The following NELL1 variants were observed in gnomAD, a reference collection of about 807,000 sequenced individuals.
NELL1 encodes the protein protein kinase C-binding protein NELL1.
In NELL1, 76 loss-of-function variants were observed where a neutral mutation model predicts 107.4. The observed-to-expected ratio is 0.71, with a 90% CI of 0.59 to 0.86. The LOEUF (loss-of-function observed/expected upper bound fraction) is 0.86. Ranked by LOEUF, NELL1 falls within the 40% of genes least tolerant of loss-of-function variation. The pLI is 0.00. For synonymous variants in NELL1, 353 were observed against 341.2 expected (o/e 1.03, Z -0.38); for missense variants, 1,024 against 1,005.5 (o/e 1.02, Z -0.25).
At chr11:21,042,388 C>T (rs1353970910) in intron 12 of NELL1, among the ~76,000 whole-genome samples, 1 of 152,150 alleles carries the variant, frequency 6.6e-6, no homozygotes, top group Non-Finnish European at 1.5e-5. Context: ...CTACTATGCT[C>T]ATGAGCAGCA....
intron 15 of NELL1, among the ~76,000 whole-genome samples, chr11:21,502,269 G>C (rs1855162753): frequency 6.6e-6 from 1 of 152,202 alleles, no homozygotes; most frequent in Admixed American, 6.5e-5. Flanking sequence ...TTGAGTGCCT[G>C]ACACTGGTTT....
chr11:21,405,782 C>T (rs1302493950), intron 15 of NELL1, among the ~76,000 whole-genome samples: 1 of 151,940 alleles, frequency 6.6e-6, no homozygotes, highest in East Asian at 2.0e-4. Context: ...TACATTAATT[C>T]CTTCTACTAA....
At chr11:21,106,979 G>A (rs1205065268) in intron 12 of NELL1, among the ~76,000 whole-genome samples, 1 of 152,030 alleles carries the variant, frequency 6.6e-6, no homozygotes, top group African/African-American at 2.4e-5. Context: ...TGTGTGCCTC[G>A]ATGTTTTTAT....
chr11:20,806,420 C>T (rs563035826), intron 3 of NELL1, among the ~76,000 whole-genome samples: 2 of 152,138 alleles, frequency 1.3e-5, no homozygotes, highest in South Asian at 4.2e-4. Context: ...TATTGGAGCT[C>T]CATTGTATGT....
chr11:20,673,483 A>G (rs1222778024), intron 1 of NELL1, among the ~76,000 whole-genome samples: 3 of 152,174 alleles, frequency 2.0e-5, no homozygotes, highest in Non-Finnish European at 4.4e-5. Flanking sequence ...AGTCAGCCAG[A>G]CCCAGGAGGA....
chr11:20,907,317 A>C (rs959548614), intron 5 of NELL1, among the ~76,000 whole-genome samples: 2 of 151,846 alleles, frequency 1.3e-5, no homozygotes, highest in Non-Finnish European at 2.9e-5. Context: ...AAGTATTTTT[A>C]AATTATGTAT....
intron 4 of NELL1, among the ~76,000 whole-genome samples, chr11:20,882,753 T>A (rs920494502): frequency 2.0e-4 from 31 of 152,304 alleles, no homozygotes; most frequent in African/African-American, 7.5e-4. Flanking sequence ...TTTTCCCAAT[T>A]TTCCCAATAA....
chr11:21,560,541 T>C (rs973455291), intron 17 of NELL1, among the ~76,000 whole-genome samples, 159 bp downstream of exon 17: 1 of 152,008 alleles, frequency 6.6e-6, no homozygotes, highest in African/African-American at 2.4e-5. Flanking sequence ...TGCTAAGGGG[T>C]AGGGAAGCCT....
intron 13 of NELL1, among the ~76,000 whole-genome samples, chr11:21,134,369 C>G (rs1855694451): frequency 6.6e-6 from 1 of 152,202 alleles, no homozygotes; most frequent in African/African-American, 2.4e-5. Context: ...AGTGGAAGGA[C>G]AGGAAGGAGT....
chr11:21,186,010 G>A (rs968918357), intron 13 of NELL1, among the ~76,000 whole-genome samples: 71 of 151,758 alleles, frequency 4.7e-4, no homozygotes, highest in Non-Finnish European at 1.5e-4. Context: ...CCAGGATGCA[G>A]AAAGGAAGGA....
intron 12 of NELL1, among the ~76,000 whole-genome samples, chr11:20,971,357 A>G (rs1029646413): frequency 1.3e-5 from 2 of 152,180 alleles, no homozygotes; most frequent in East Asian, 1.9e-4. Context: ...AGAGAAGAAG[A>G]AAAAAACAGA....
At position 21,344,433 on chromosome 11, in the gene NELL1, G is replaced by A. The variant is rs114715937; in HGVS notation, c.1550-26420G>A. On this transcript the variant is annotated intron_variant, in intron 14 of 19. Transcript: ENST00000357134. The stretch of plus-strand genomic sequence containing the variant: ...TATAGTATTATTTAATGTGTATTTG[G>A]TTGTGTAAACCCAGACAGCAAACTC... 1.2e-3 allele frequency among the ~76,000 whole-genome samples: 189 copies of A among 152,152 alleles called. 1 individual carries two copies. The highest frequency in any genetic ancestry group is 6.8e-3 in the Middle Eastern group (2 of 294).
chr11:21,490,473 A>G (rs1295529847), intron 15 of NELL1, among the ~76,000 whole-genome samples: 3 of 151,318 alleles, frequency 2.0e-5, no homozygotes, highest in Non-Finnish European at 4.4e-5. Flanking sequence ...AAAAAAAAAA[A>G]AAAAGCCAGA....
chr11:20,732,494 G>A (rs1333875565), intron 2 of NELL1, among the ~76,000 whole-genome samples: 1 of 152,166 alleles, frequency 6.6e-6, no homozygotes, highest in African/African-American at 2.4e-5. Flanking sequence ...TAAAGATAAT[G>A]AGCATTAATG....
At chr11:21,451,782 A>G (rs1053009921) in intron 15 of NELL1, among the ~76,000 whole-genome samples, 2 of 152,196 alleles carry the variant, frequency 1.3e-5, no homozygotes, top group African/African-American at 2.4e-5. Context: ...ATGAAATAAA[A>G]TTATTCTTAA....
chr11:21,247,536 G>A (rs111687089), intron 14 of NELL1, among the ~76,000 whole-genome samples: 10 of 152,158 alleles, frequency 6.6e-5, no homozygotes, highest in East Asian at 5.8e-4. Flanking sequence ...CTTTTGTCCC[G>A]TTAGAGGGTC....
At chr11:21,118,784 T>C (rs1855295743) in intron 13 of NELL1, among the ~76,000 whole-genome samples, 1 of 152,072 alleles carries the variant, frequency 6.6e-6, no homozygotes, top group African/African-American at 2.4e-5. Context: ...GTCAAGGTCA[T>C]ATTTTTTTCC....
chr11:21,110,984 A>G (rs1255027668), intron 12 of NELL1, among the ~76,000 whole-genome samples: 2 of 152,038 alleles, frequency 1.3e-5, no homozygotes, highest in African/African-American at 4.8e-5. Context: ...GCCCAAGCTT[A>G]TTTTTCCAGT....
At chr11:20,729,779 C>A (rs1227167520) in intron 2 of NELL1, among the ~76,000 whole-genome samples, 1 of 152,128 alleles carries the variant, frequency 6.6e-6, no homozygotes, top group Non-Finnish European at 1.5e-5. Flanking sequence ...GAGAGAATAA[C>A]TGTGAGTCAC....
Sources: gnomAD v4.1 joint callset for allele counts (sites outside exome capture counted in the v4.1 genomes callset) on GRCh38, gnomAD v4.1.1 for gene constraint, MANE v1.5 for transcripts, NCBI Gene and HGNC (gene_info 2026-07-23, HGNC 2026-07-21) for gene names.